The following COL4A1 variants were observed in gnomAD, a reference collection of about 807,000 sequenced individuals.
The protein encoded by COL4A1 is collagen alpha-1(IV) chain.
In COL4A1, 40 loss-of-function variants were observed where a neutral mutation model predicts 216.6. That is an observed-to-expected ratio of 0.18 (90% CI 0.14 to 0.24). COL4A1 has a LOEUF of 0.24. Among genes scored for constraint, COL4A1 ranks in the 10% least tolerant of loss-of-function variants. The pLI is 1.00. For synonymous variants in COL4A1, 839 were observed against 810.7 expected (o/e 1.03, Z -0.59); for missense variants, 1,628 against 2,196.8 (o/e 0.74, Z 5.18).
rs1347868776 is a variant in COL4A1 at position 110,179,083 on chromosome 13, T to A, written c.2345-47A>T. 2.5e-6 allele frequency: 4 copies of A among 1,576,190 alleles called. No homozygotes were observed. In the African/African-American group the frequency reaches 5.4e-5, roughly 21 times the overall value. On this transcript the variant is annotated intron_variant, in intron 30 of 51. Transcript: ENST00000375820. ...TAAGCTGTACAGGAGCAGTGGCACG[T>A]CTCCCGGCCTAGGAGACCCATGCAC...
intron 1 of COL4A1, among the ~76,000 whole-genome samples, chr13:110,262,130 C>T (rs911542930): frequency 7.2e-5 from 11 of 152,202 alleles, no homozygotes; most frequent in Admixed American, 5.9e-4. Context: ...TTTTTGAGTA[C>T]CCCGTGTGCA....
intron 1 of COL4A1, among the ~76,000 whole-genome samples, chr13:110,275,092 G>T (rs987118216): frequency 5.9e-5 from 9 of 152,164 alleles, no homozygotes; most frequent in Non-Finnish European, 1.3e-4. Flanking sequence ...AAAATGTTCT[G>T]CTCTGGGAAA....
chr13:110,219,900 A>G (rs1326247220), intron 2 of COL4A1, among the ~76,000 whole-genome samples: 2 of 141,270 alleles, frequency 1.4e-5, no homozygotes, highest in Admixed American at 7.4e-5. Flanking sequence ...GTGTATATAT[A>G]TGTATATATA....
At chr13:110,279,546 G>T (rs1463076987) in intron 1 of COL4A1, among the ~76,000 whole-genome samples, 2 of 152,056 alleles carry the variant, frequency 1.3e-5, no homozygotes, top group East Asian at 3.9e-4. Context: ...CTATTCTTTT[G>T]GGGGGCTGGA....
intron 25 of COL4A1, 87 bp downstream of exon 25, chr13:110,187,051 C>A: frequency 6.7e-6 from 10 of 1,499,136 alleles, no homozygotes; most frequent in Non-Finnish European, 8.4e-6. Flanking sequence ...GATAGAAATA[C>A]ATCAATATGA....
intron 4 of COL4A1, 49 bp from the exon 5 acceptor site, chr13:110,212,667 A>ACTT: frequency 4.4e-6 from 7 of 1,605,498 alleles, no homozygotes; most frequent in Non-Finnish European, 6.0e-6. Context: ...GGGAAGCCTC[A>ACTT]CTTCCTCCTC....
intron 17 of COL4A1, among the ~76,000 whole-genome samples, chr13:110,204,491 T>A (rs1352639357): frequency 6.6e-6 from 1 of 152,132 alleles, no homozygotes; most frequent in Non-Finnish European, 1.5e-5. Flanking sequence ...ACTGAGGCCC[T>A]CCCCGCAGCT....
intron 1 of COL4A1, among the ~76,000 whole-genome samples, chr13:110,272,354 CT>C (rs1883274726): frequency 6.6e-6 from 1 of 152,222 alleles, no homozygotes; most frequent in Non-Finnish European, 1.5e-5. Context: ...CTGACTCTGC[CT>C]TTTCTGCATC....
chr13:110,196,606 AAAC>A (rs1878902673), intron 21 of COL4A1, among the ~76,000 whole-genome samples: 2 of 137,998 alleles, frequency 1.4e-5, no homozygotes, highest in African/African-American at 5.4e-5. Context: ...AAAAACAAAC[AAAC>A]AAAAAAAAAA....
intron 1 of COL4A1, among the ~76,000 whole-genome samples, chr13:110,272,320 G>A (rs966942172): frequency 2.0e-5 from 3 of 152,190 alleles, no homozygotes; most frequent in Admixed American, 6.5e-5. Context: ...CCGTAGATAC[G>A]TGAACACATG....
At chr13:110,206,110 T>C (rs1193867431) in intron 15 of COL4A1, among the ~76,000 whole-genome samples, 4 of 152,242 alleles carry the variant, frequency 2.6e-5, no homozygotes, top group Non-Finnish European at 5.9e-5. Flanking sequence ...AATATGATTG[T>C]ATCTTGGTAG....
intron 2 of COL4A1, among the ~76,000 whole-genome samples, chr13:110,229,483 C>T (rs1202054107): frequency 6.6e-6 from 1 of 152,138 alleles, no homozygotes; most frequent in African/African-American, 2.4e-5. Flanking sequence ...CATTTTGTCG[C>T]CACACATCAC....
rs958630346 is a variant in COL4A1, at chr13:110,149,717, T to C, written c.*646A>G. 2 of 151,796 alleles carry C rather than the reference T, an allele frequency of 1.3e-5. No homozygotes were observed. The highest frequency in any genetic ancestry group is 4.8e-5 in the African/African-American group (2 of 41,296). The allele number at this position is 151,796 out of a possible 1,614,324, so 9.4% of individuals were successfully genotyped here. A position where few individuals can be genotyped will look rare whatever the true frequency, so the allele number is the denominator to read the frequency against. Reference sequence around the variant, plus strand: ...TGCTGACATCTATATAAATTACTAATATATATATATATTTAATTTTTGACT... The same window carrying C: ...TGCTGACATCTATATAAATTACTAACATATATATATATTTAATTTTTGACT... On this transcript the variant is annotated 3_prime_UTR_variant, in exon 52 of 52. Coordinates refer to ENST00000375820, the MANE Select transcript of COL4A1 (RefSeq NM_001845.6).
chr13:110,205,238 C>T, intron 17 of COL4A1, 115 bp downstream of exon 17: 2 of 1,231,070 alleles, frequency 1.6e-6, no homozygotes, highest in Non-Finnish European at 2.4e-6. Context: ...CCAGAAGAAG[C>T]ATAAATGATT....
chr13:110,195,463 C>T (rs951828994), intron 21 of COL4A1, among the ~76,000 whole-genome samples: 3 of 152,166 alleles, frequency 2.0e-5, no homozygotes, highest in Admixed American at 6.5e-5. Context: ...AACTGAGGCT[C>T]AAGAAAGGTA....
In COL4A1 at chr13:110,192,301, G is replaced by C; in HGVS notation, c.1466-17C>G. On this transcript the variant is annotated splice_polypyrimidine_tract_variant and intron_variant, in intron 23 of 51. Transcript: ENST00000375820. ...CTGGGAAACCTTTCGTGAGAGAGAG[G>C]GAAAAAGACAGCAACACAGCATTCA... 6.2e-7 allele frequency: 1 copy of C among 1,612,848 alleles called. No homozygotes were observed. Among genetic ancestry groups the C allele is most frequent in the Non-Finnish European group, 8.5e-7 (1 of 1,178,950 alleles).
At chr13:110,212,160 A>C (rs1329604799) in intron 6 of COL4A1, among the ~76,000 whole-genome samples, 1 of 152,252 alleles carries the variant, frequency 6.6e-6, no homozygotes, top group Non-Finnish European at 1.5e-5. Flanking sequence ...GTAGTAAATG[A>C]TTATAGGTAA....
chr13:110,290,956 T>C (rs1385444771), intron 1 of COL4A1, among the ~76,000 whole-genome samples: 1 of 152,196 alleles, frequency 6.6e-6, no homozygotes, highest in African/African-American at 2.4e-5. Context: ...CCAAGGGCGA[T>C]TGCACGTCCC....
chr13:110,272,640 A>G (rs1883286609), intron 1 of COL4A1, among the ~76,000 whole-genome samples: 1 of 152,232 alleles, frequency 6.6e-6, no homozygotes, highest in Non-Finnish European at 1.5e-5. Context: ...ACACTTCGCT[A>G]CAAATGAAAA....
Sources: gnomAD v4.1 joint callset for allele counts (sites outside exome capture counted in the v4.1 genomes callset) on GRCh38, gnomAD v4.1.1 for gene constraint, MANE v1.5 for transcripts, NCBI Gene and HGNC (gene_info 2026-07-23, HGNC 2026-07-21) for gene names.